IPP: variants seen among roughly 807,000 people sequenced by gnomAD.
IPP encodes intracisternal A particle-promoted polypeptide.
In IPP, 41 loss-of-function variants were observed where a neutral mutation model predicts 64.1. The ratio of observed to expected loss-of-function variants is 0.64; its 90% CI spans 0.50 to 0.83. The LOEUF is 0.83. Ranked by LOEUF, IPP falls within the 40% of genes least tolerant of loss-of-function variation. IPP has a pLI of 0.00. For missense variants in IPP, 649 were observed against 703.0 expected (o/e 0.92, Z 0.87); for synonymous variants, 214 against 235.2 (o/e 0.91, Z 0.83).
chr1:45,722,115 ATGG>A (rs1332740308), intron 5 of IPP, among the ~76,000 whole-genome samples: 1 of 148,226 alleles, frequency 6.7e-6, no homozygotes, highest in African/African-American at 2.5e-5. Context: ...CTGGCCAGGC[ATGG>A]TGGTCTATGC....
rs1308503019 is a variant in IPP, at chr1:45,705,359, C to T, written c.1531-5169G>A. ...ATAAGATAAACTGAAAATATTTCTG[C>T]CGGAAAATAAAGAAATGCTGAATGA... On this transcript the variant is annotated intron_variant, in intron 8 of 8. Transcript: ENST00000396478. Among the ~76,000 whole-genome samples, 3 of 152,126 alleles carry T rather than the reference C, an allele frequency of 2.0e-5. No individual in the cohort carries two copies. The East Asian group carries it at 5.8e-4, about 29-fold the overall frequency.
intron 8 of IPP, among the ~76,000 whole-genome samples, chr1:45,700,418 C>A (rs10890344): frequency 6.6e-6 from 1 of 151,748 alleles, no homozygotes; most frequent in Non-Finnish European, 1.5e-5. Flanking sequence ...CTCGGCTCAG[C>A]GCAGCCTCAA....
intron 3 of IPP, among the ~76,000 whole-genome samples, chr1:45,738,215 A>G (rs1296025324): frequency 3.3e-5 from 5 of 152,120 alleles, no homozygotes; most frequent in African/African-American, 7.2e-5. Flanking sequence ...ATCACCCTAC[A>G]TGTACTTTCT....
At chr1:45,728,866 G>A (rs1020914544) in intron 4 of IPP, among the ~76,000 whole-genome samples, 2 of 152,012 alleles carry the variant, frequency 1.3e-5, no homozygotes, top group African/African-American at 2.4e-5. Context: ...AGTGGCTCAC[G>A]GCTGTAATCC....
chr1:45,719,000 A>C (rs1002192082), intron 6 of IPP, among the ~76,000 whole-genome samples: 1 of 152,192 alleles, frequency 6.6e-6, no homozygotes, highest in Non-Finnish European at 1.5e-5. Flanking sequence ...AATAACTAGA[A>C]GAGTATAACT....
intron 6 of IPP, among the ~76,000 whole-genome samples, chr1:45,717,597 C>T (rs1484356830): frequency 1.3e-5 from 2 of 152,002 alleles, no homozygotes; most frequent in Non-Finnish European, 1.5e-5. Flanking sequence ...GTGCAAGCTC[C>T]ACCTCCTGGG....
downstream of IPP, chr1:45,694,478 C>A (rs1042467077): frequency 2.2e-5 from 34 of 1,546,280 alleles, no homozygotes; most frequent in Non-Finnish European, 2.8e-5. Context: ...TGCACATATT[C>A]TCCCACTTCA....
chr1:45,698,261 C>T (rs1485344202), downstream of IPP, among the ~76,000 whole-genome samples: 1 of 152,154 alleles, frequency 6.6e-6, no homozygotes, highest in Non-Finnish European at 1.5e-5. Flanking sequence ...CTTTGCACTC[C>T]AGCCTGGGCA....
downstream of IPP, among the ~76,000 whole-genome samples, chr1:45,695,156 G>GTGTTTT (rs138876835): frequency 2.6e-5 from 4 of 152,026 alleles, no homozygotes; most frequent in Non-Finnish European, 5.9e-5. Context: ...TAGCTTTGGT[G>GTGTTTT]TGTTTTTGTT....
chr1:45,725,399 C>T (rs1309095829), intron 5 of IPP, among the ~76,000 whole-genome samples: 1 of 147,452 alleles, frequency 6.8e-6, no homozygotes, highest in African/African-American at 2.5e-5. Flanking sequence ...CGCCTCTGCC[C>T]GGCCGCCCCT....
chr1:45,747,273 G>GTTTTTT (rs1038498486), intron 1 of IPP, among the ~76,000 whole-genome samples: 1 of 148,730 alleles, frequency 6.7e-6, no homozygotes, highest in Non-Finnish European at 1.5e-5. Context: ...CTTAGGTTGG[G>GTTTTTT]TTTTTTTTTT....
At chr1:45,734,973 T>A (rs1645958212) in intron 3 of IPP, among the ~76,000 whole-genome samples, 1 of 152,148 alleles carries the variant, frequency 6.6e-6, no homozygotes, top group South Asian at 2.1e-4. Flanking sequence ...AGAGACAGGA[T>A]TTCACCATGT....
chr1:45,747,110 G>A (rs955311633), intron 1 of IPP, among the ~76,000 whole-genome samples: 4 of 149,918 alleles, frequency 2.7e-5, no homozygotes, highest in Non-Finnish European at 4.5e-5. Flanking sequence ...GCGCATGCGC[G>A]CGCACACGAG....
intron 8 of IPP, among the ~76,000 whole-genome samples, chr1:45,712,299 A>T (rs796800608): frequency 1.6e-4 from 2 of 12,530 alleles, no homozygotes; most frequent in Non-Finnish European, 3.4e-4. Context: ...GACGACGTCT[A>T]AAAAAAAAAA....
chr1:45,739,383 G>A (rs1468688529), intron 3 of IPP, among the ~76,000 whole-genome samples: 1 of 148,192 alleles, frequency 6.7e-6, no homozygotes, highest in East Asian at 2.0e-4. Context: ...ATAAGTGCAT[G>A]CCACCGTGCT....
chr1:45,725,897 C>G (rs892433666), intron 5 of IPP, among the ~76,000 whole-genome samples: 5 of 134,718 alleles, frequency 3.7e-5, no homozygotes, highest in Middle Eastern at 3.3e-3. Context: ...GCAGCATGCT[C>G]GTTAAGAGTC....
At chr1:45,749,279 G>A (rs1403248932) in intron 1 of IPP, among the ~76,000 whole-genome samples, 1 of 152,190 alleles carries the variant, frequency 6.6e-6, no homozygotes, top group Non-Finnish European at 1.5e-5. Context: ...CTCAGTAACT[G>A]CTGATACCAT....
intron 5 of IPP, 68 bp downstream of exon 5, chr1:45,727,563 A>T: frequency 9.8e-7 from 1 of 1,015,342 alleles, no homozygotes; most frequent in Non-Finnish European, 1.4e-6. Flanking sequence ...AGCAACATAT[A>T]AATCATAAAG....
At chr1:45,733,544 A>C (rs1645938134) in intron 3 of IPP, among the ~76,000 whole-genome samples, 1 of 151,736 alleles carries the variant, frequency 6.6e-6, no homozygotes, top group African/African-American at 2.4e-5. Context: ...AATCATTATA[A>C]TTAAAGAATA....
Sources: allele counts gnomAD v4.1 joint callset (sites outside exome capture counted in the v4.1 genomes callset), GRCh38; gene constraint gnomAD v4.1.1; transcripts MANE v1.5; gene names NCBI Gene and HGNC (gene_info 2026-07-23, HGNC 2026-07-21).